Variants in SPIDR observed in about 807,000 individuals in gnomAD.
The protein encoded by SPIDR is scaffold protein involved in DNA repair, also known as DNA repair-scaffolding protein.
Under a neutral mutation model 104.6 loss-of-function variants are expected in SPIDR, and 93 were observed. The observed-to-expected ratio is 0.89, with a 90% confidence interval of 0.75 to 1.06. The LOEUF (loss-of-function observed/expected upper bound fraction) is 1.06, where lower values mean the gene tolerates loss of function less well. SPIDR is among the 50% of genes least tolerant of loss of function. The pLI, the probability that SPIDR is intolerant of heterozygous loss-of-function variation, is 0.00. For missense variants in SPIDR, 1,154 were observed against 1,111.2 expected (o/e 1.04, Z -0.55); for synonymous variants, 431 against 416.9 (o/e 1.03, Z -0.41).
At chr8:47,572,363 G>A (rs1445618595) in intron 8 of SPIDR, among the ~76,000 whole-genome samples, 1 of 152,044 alleles carries the variant, frequency 6.6e-6, no homozygotes, top group East Asian at 1.9e-4. Context: ...TCAAAAAAAG[G>A]TGTAAAAACT....
intron 10 of SPIDR, among the ~76,000 whole-genome samples, chr8:47,620,624 T>C (rs943361389): frequency 7.3e-5 from 11 of 150,832 alleles, no homozygotes; most frequent in African/African-American, 2.7e-4. Context: ...TTTTGTTTCT[T>C]TGGGGTTTTT....
chr8:47,589,151 G>A (rs886519712), intron 8 of SPIDR, among the ~76,000 whole-genome samples: 1 of 150,578 alleles, frequency 6.6e-6, no homozygotes, highest in Non-Finnish European at 1.5e-5. Context: ...ATTGGTGCTA[G>A]TTCTTCTTTT....
At chr8:47,278,096 C>CTTTTTTTTTTTTTTT (rs71225674) in intron 1 of SPIDR, among the ~76,000 whole-genome samples, 2 of 137,268 alleles carry the variant, frequency 1.5e-5, no homozygotes, top group African/African-American at 2.7e-5. Context: ...TTTTCTTTCT[C>CTTTTTTTTTTTTTTT]TTTTTTTTTT....
At chr8:47,409,329 G>A (rs1330485338) in intron 7 of SPIDR, among the ~76,000 whole-genome samples, 1 of 151,816 alleles carries the variant, frequency 6.6e-6, no homozygotes, top group Non-Finnish European at 1.5e-5. Context: ...ATTCCTCCAA[G>A]GTCTAATGAC....
intron 8 of SPIDR, chr8:47,546,897 G>C (rs1165137799): frequency 6.9e-5 from 30 of 437,212 alleles, no homozygotes; most frequent in Non-Finnish European, 1.1e-4. Context: ...TTAATGGTTT[G>C]TTGCCCTTGC....
chr8:47,324,800 G>T (rs2047388829), intron 5 of SPIDR, among the ~76,000 whole-genome samples: 1 of 152,164 alleles, frequency 6.6e-6, no homozygotes, highest in Non-Finnish European at 1.5e-5. Flanking sequence ...GTGCTGCGAT[G>T]ATAAAGTACT....
intron 5 of SPIDR, among the ~76,000 whole-genome samples, chr8:47,393,430 A>G (rs2060843878): frequency 6.6e-6 from 1 of 152,050 alleles, no homozygotes; most frequent in Admixed American, 6.6e-5. Context: ...TGTTGTTCGA[A>G]TGGTCAATTC....
chr8:47,549,983 T>C (rs1414312045), intron 8 of SPIDR, among the ~76,000 whole-genome samples: 3 of 152,228 alleles, frequency 2.0e-5, no homozygotes, highest in Admixed American at 6.5e-5. Context: ...TTTCTACATA[T>C]GGCTAGCCAG....
chr8:47,442,205 C>G (rs2069578983), intron 8 of SPIDR, among the ~76,000 whole-genome samples: 2 of 152,054 alleles, frequency 1.3e-5, no homozygotes, highest in Non-Finnish European at 2.9e-5. Flanking sequence ...AAATATATAA[C>G]TTAGAAAGTG....
At chr8:47,734,906 G>T (rs1371324041) in intron 19 of SPIDR, among the ~76,000 whole-genome samples, 1 of 152,246 alleles carries the variant, frequency 6.6e-6, no homozygotes, top group African/African-American at 2.4e-5. Context: ...CAAAGCACCA[G>T]GAAATCCCTC....
intron 8 of SPIDR, among the ~76,000 whole-genome samples, chr8:47,566,588 CTTTTTTATT>C (rs1462725261): frequency 6.6e-6 from 1 of 151,772 alleles, no homozygotes; most frequent in Non-Finnish European, 1.5e-5. Context: ...AGCACTGTTA[CTTTTTTATT>C]TTTTTTATTT....
chr8:47,666,707 C>T (rs2074981779), intron 10 of SPIDR, among the ~76,000 whole-genome samples: 1 of 152,026 alleles, frequency 6.6e-6, no homozygotes, highest in South Asian at 2.1e-4. Flanking sequence ...CTCTAACCCA[C>T]ATACACTATG....
chr8:47,688,016 A>AGTGTGCGT (rs1554578543), intron 11 of SPIDR, among the ~76,000 whole-genome samples: 1 of 145,676 alleles, frequency 6.9e-6, no homozygotes, highest in African/African-American at 2.5e-5. Context: ...AAAAAAAAAA[A>AGTGTGCGT]GTGTGTGTGT....
At chr8:47,505,409 C>G (rs1361970851) in intron 8 of SPIDR, among the ~76,000 whole-genome samples, 1 of 152,204 alleles carries the variant, frequency 6.6e-6, no homozygotes, top group Non-Finnish European at 1.5e-5. Flanking sequence ...ATGAGCAGGG[C>G]TCTGTGGGCA....
At chr8:47,306,057 A>T (rs946993842) in intron 5 of SPIDR, among the ~76,000 whole-genome samples, 186 of 152,336 alleles carry the variant, frequency 1.2e-3, no homozygotes, top group Admixed American at 3.9e-3. Context: ...CCTCATATGA[A>T]TAGAATCATA....
intron 7 of SPIDR, among the ~76,000 whole-genome samples, chr8:47,409,401 G>T (rs1275421688): frequency 6.6e-6 from 1 of 152,042 alleles, no homozygotes; most frequent in East Asian, 1.9e-4. Flanking sequence ...GTCTAGAAAA[G>T]CCTCCTCTCC....
chr8:47,568,077 A>G (rs2058102811), intron 8 of SPIDR, among the ~76,000 whole-genome samples: 2 of 151,822 alleles, frequency 1.3e-5, no homozygotes, highest in African/African-American at 2.4e-5. Flanking sequence ...CTCCTGGCCT[A>G]TTTTCTTATT....
intron 8 of SPIDR, among the ~76,000 whole-genome samples, chr8:47,576,448 G>A (rs1319691427): frequency 6.6e-6 from 1 of 152,130 alleles, no homozygotes; most frequent in Non-Finnish European, 1.5e-5. Flanking sequence ...ACTGGACCCA[G>A]CCTGAGACAG....
At chr8:47,463,091 A>G (rs1239249749) in intron 8 of SPIDR, among the ~76,000 whole-genome samples, 1 of 151,950 alleles carries the variant, frequency 6.6e-6, no homozygotes, top group Non-Finnish European at 1.5e-5. Context: ...GGGCGCGGTG[A>G]CTCACGCCTG....
Sources: gnomAD v4.1 joint callset for allele counts (sites outside exome capture counted in the v4.1 genomes callset) on GRCh38, gnomAD v4.1.1 for gene constraint, MANE v1.5 for transcripts, NCBI Gene and HGNC (gene_info 2026-07-23, HGNC 2026-07-21) for gene names.